The following TNR variants were observed in gnomAD, a reference collection of about 807,000 sequenced individuals.
The protein encoded by TNR is tenascin-R.
In TNR, 45 loss-of-function variants were observed where a neutral mutation model predicts 150.4. The observed-to-expected ratio is 0.30, with a 90% confidence interval of 0.24 to 0.38. TNR has a LOEUF of 0.38. Among genes scored for constraint, TNR ranks in the 10% least tolerant of loss-of-function variants. The pLI, the probability that TNR is intolerant of heterozygous loss-of-function variation, is 1.00. For synonymous variants in TNR, 687 were observed against 678.4 expected (o/e 1.01, Z -0.20); for missense variants, 1,544 against 1,759.1 (o/e 0.88, Z 2.19).
chr1:175,404,131 C>G (rs566605807), intron 3 of TNR, among the ~76,000 whole-genome samples: 1 of 152,238 alleles, frequency 6.6e-6, no homozygotes, highest in Non-Finnish European at 1.5e-5. Context: ...AATCCCCCAG[C>G]CCCTCATTCT....
intron 1 of TNR, among the ~76,000 whole-genome samples, chr1:175,641,289 G>A (rs1160319433): frequency 6.6e-6 from 1 of 152,120 alleles, no homozygotes; most frequent in Non-Finnish European, 1.5e-5. Flanking sequence ...ACGGAGGGCA[G>A]GGTTGGAGAG....
chr1:175,712,615 A>T (rs2101937300), intron 1 of TNR, among the ~76,000 whole-genome samples: 1 of 152,228 alleles, frequency 6.6e-6, no homozygotes, highest in African/African-American at 2.4e-5. Flanking sequence ...TGTTTGAATC[A>T]TGAGAGCAGA....
intron 2 of TNR, among the ~76,000 whole-genome samples, chr1:175,495,151 G>C (rs985541646): frequency 1.3e-5 from 2 of 152,126 alleles, no homozygotes; most frequent in African/African-American, 4.8e-5. Flanking sequence ...GTGAAGAGAC[G>C]AGTTGTCCTC....
chr1:175,701,970 TG>T (rs1390330807), intron 1 of TNR, among the ~76,000 whole-genome samples: 3 of 152,368 alleles, frequency 2.0e-5, no homozygotes, highest in Admixed American at 2.0e-4. Context: ...CGATTTATAG[TG>T]GAGTGCAAGG....
intron 1 of TNR, among the ~76,000 whole-genome samples, chr1:175,610,629 T>C (rs958890655): frequency 3.3e-5 from 5 of 152,246 alleles, no homozygotes; most frequent in African/African-American, 1.2e-4. Context: ...CTTTCCAGTC[T>C]TGTTTACTCC....
intron 15 of TNR, among the ~76,000 whole-genome samples, 177 bp downstream of exon 15, chr1:175,359,435 G>A (rs546774443): frequency 2.6e-5 from 4 of 152,166 alleles, no homozygotes; most frequent in African/African-American, 9.6e-5. Context: ...TGTGAGCCAC[G>A]ATGCCCAGCA....
chr1:175,590,607 AC>A (rs1164249009), intron 1 of TNR, among the ~76,000 whole-genome samples: 1 of 152,234 alleles, frequency 6.6e-6, no homozygotes, highest in Non-Finnish European at 1.5e-5. Context: ...ATGTGCAAGG[AC>A]AGTGTTGGCA....
At chr1:175,674,652 G>A (rs1000370501) in intron 1 of TNR, among the ~76,000 whole-genome samples, 14 of 152,146 alleles carry the variant, frequency 9.2e-5, no homozygotes, top group Admixed American at 9.2e-4. Flanking sequence ...CCATCTAGAC[G>A]CTTGTTCACC....
intron 20 of TNR, 84 bp from the exon 21 acceptor site, chr1:175,330,319 A>C: frequency 7.1e-6 from 10 of 1,409,750 alleles, no homozygotes; most frequent in Non-Finnish European, 6.6e-6. Context: ...TGGCTTCAAA[A>C]CATGTTACAG....
In TNR at chr1:175,406,259, T is replaced by C; in HGVS notation, c.456A>G (p.Arg152=). The C allele has an allele frequency of 1.2e-6, 2 of 1,614,162 alleles. No individual in the cohort carries two copies. Residue 152 remains arginine (R), a synonymous_variant, in exon 3 of 23, where the codon CGA becomes CGG. Coordinates refer to ENST00000367674, the MANE Select transcript of TNR (RefSeq NM_003285.3). ...EMLEREVSVL[R]DQCNANCCQE... ...GGCAGCAGTTGGCGTTGCACTGGTC[T>C]CGCAGCACCGACACCTCCCTCTCCA...
chr1:175,394,068 C>T (rs12023965), intron 5 of TNR, among the ~76,000 whole-genome samples, 173 bp from the exon 6 acceptor site: 71,866 of 152,140 alleles, frequency 0.47, 17,366 homozygotes, highest in East Asian at 0.63. Context: ...TCAACCCACC[C>T]CATGTGGCTC....
At chr1:175,737,197 C>T (rs76152677) in intron 1 of TNR, among the ~76,000 whole-genome samples, 2,969 of 152,220 alleles carry the variant, frequency 0.02, 105 homozygotes, top group African/African-American at 0.066. Context: ...AAAATGTGAG[C>T]GCTTTATAAA....
chr1:175,378,731 C>T (rs1652526470), intron 9 of TNR, among the ~76,000 whole-genome samples: 1 of 152,186 alleles, frequency 6.6e-6, no homozygotes, highest in Admixed American at 6.5e-5. Context: ...CAGAAAACAT[C>T]AGGGAACATG....
At chr1:175,703,143 A>T (rs1666746758) in intron 1 of TNR, among the ~76,000 whole-genome samples, 1 of 152,202 alleles carries the variant, frequency 6.6e-6, no homozygotes, top group Non-Finnish European at 1.5e-5. Flanking sequence ...TAATATATAA[A>T]TGTTAAAAAT....
At chr1:175,689,796 T>C (rs889858420) in intron 1 of TNR, among the ~76,000 whole-genome samples, 5 of 152,228 alleles carry the variant, frequency 3.3e-5, no homozygotes, top group African/African-American at 1.2e-4. Context: ...GTTTTCTCTC[T>C]CTCACTGTGC....
At chr1:175,539,258 A>G (rs1243664434) in intron 1 of TNR, 1 of 152,270 alleles carries the variant, frequency 6.6e-6, no homozygotes, top group Non-Finnish European at 1.5e-5. Flanking sequence ...ATTATCAGCA[A>G]GAGCTAAAAA....
chr1:175,701,872 A>C (rs1471213960), intron 1 of TNR, among the ~76,000 whole-genome samples: 1 of 152,232 alleles, frequency 6.6e-6, no homozygotes, highest in Admixed American at 6.5e-5. Flanking sequence ...TTGCATGCAC[A>C]TTAAAATATA....
chr1:175,400,379 T>C (rs1353438309), intron 4 of TNR, among the ~76,000 whole-genome samples: 2 of 152,248 alleles, frequency 1.3e-5, no homozygotes, highest in Admixed American at 6.5e-5. Flanking sequence ...TCTGTCTCAC[T>C]GACTGCTGCT....
chr1:175,671,941 G>C (rs1470168102), intron 1 of TNR, among the ~76,000 whole-genome samples: 1 of 151,716 alleles, frequency 6.6e-6, no homozygotes, highest in East Asian at 1.9e-4. Context: ...GTGTGTGTGT[G>C]TGTGTGTGTT....
Sources: gnomAD v4.1 joint callset for allele counts (sites outside exome capture counted in the v4.1 genomes callset) on GRCh38, gnomAD v4.1.1 for gene constraint, MANE v1.5 for transcripts, NCBI Gene and HGNC (gene_info 2026-07-23, HGNC 2026-07-21) for gene names.